TANC2: variants seen among roughly 807,000 people sequenced by gnomAD.
TANC2 encodes protein TANC2.
Under a neutral mutation model 210.5 loss-of-function variants are expected in TANC2, and 26 were observed. The ratio of observed to expected loss-of-function variants is 0.12; its 90% CI spans 0.09 to 0.17. The LOEUF is 0.17. TANC2 is among the 10% of genes least tolerant of loss of function. TANC2 has a pLI of 1.00. For missense variants in TANC2, 2,129 were observed against 2,608.9 expected, an observed-to-expected ratio of 0.82 and a Z score of 4.01; for synonymous variants, 931 against 967.1, an observed-to-expected ratio of 0.96 and a Z score of 0.69.
At chr17:63,041,638 C>G (rs1026691538) in intron 2 of TANC2, among the ~76,000 whole-genome samples, 1 of 151,908 alleles carries the variant, frequency 6.6e-6, no homozygotes, top group South Asian at 2.1e-4. Context: ...TATATTCAAT[C>G]GAGTTAATGA....
chr17:63,050,676 A>C (rs1301521718), intron 2 of TANC2, among the ~76,000 whole-genome samples: 2 of 152,216 alleles, frequency 1.3e-5, no homozygotes, highest in East Asian at 3.8e-4. Context: ...TGAAGAGAAG[A>C]CTTCAAGAAA....
chr17:63,279,789 C>T (rs1036118430), intron 9 of TANC2, among the ~76,000 whole-genome samples: 11 of 152,010 alleles, frequency 7.2e-5, no homozygotes, highest in African/African-American at 2.4e-4. Flanking sequence ...TCCCCCCCAC[C>T]CATTTTTAAC....
intron 5 of TANC2, chr17:63,153,522 C>A (rs1027504723): frequency 6.6e-6 from 1 of 152,110 alleles, no homozygotes; most frequent in Admixed American, 6.5e-5. Flanking sequence ...GATTGGTGGG[C>A]CCCCAGAATT....
intron 7 of TANC2, among the ~76,000 whole-genome samples, chr17:63,220,165 C>T (rs185030431): frequency 2.6e-5 from 4 of 151,496 alleles, no homozygotes; most frequent in Non-Finnish European, 4.4e-5. Context: ...CATGGTGTCA[C>T]GTGCCTGTAA....
chr17:63,023,871 CA>C (rs1480332823), intron 2 of TANC2, among the ~76,000 whole-genome samples: 1 of 152,094 alleles, frequency 6.6e-6, no homozygotes, highest in Non-Finnish European at 1.5e-5. Context: ...GCATTTGAAA[CA>C]AATCTGAACT....
chr17:63,138,410 G>T (rs975621468), intron 4 of TANC2, among the ~76,000 whole-genome samples: 1 of 152,126 alleles, frequency 6.6e-6, no homozygotes, highest in Non-Finnish European at 1.5e-5. Flanking sequence ...TAAATACATA[G>T]GCTGAAATTG....
chr17:63,055,978 AAAAAAAAAAAAAAT>A (rs1475859118), intron 2 of TANC2, among the ~76,000 whole-genome samples: 24 of 27,826 alleles, frequency 8.6e-4, no homozygotes, highest in South Asian at 2.8e-3. Context: ...AAAAAAAAAA[AAAAAAAAAAAAAAT>A]ATATATATAT....
intron 4 of TANC2, among the ~76,000 whole-genome samples, chr17:63,129,256 G>A (rs935493646): frequency 4.6e-5 from 7 of 151,882 alleles, no homozygotes; most frequent in African/African-American, 1.7e-4. Flanking sequence ...CTCCTGCCTC[G>A]GCCTCCCAAA....
intron 3 of TANC2, among the ~76,000 whole-genome samples, chr17:63,079,713 C>T (rs2036701600): frequency 6.6e-6 from 1 of 152,116 alleles, no homozygotes; most frequent in South Asian, 2.1e-4. Flanking sequence ...TGTTTCTTCT[C>T]CAGTAGCAGC....
At chr17:62,991,163 T>C (rs1342929397) in intron 1 of TANC2, among the ~76,000 whole-genome samples, 1 of 152,158 alleles carries the variant, frequency 6.6e-6, no homozygotes, top group African/African-American at 2.4e-5. Flanking sequence ...GGAGAGTGAT[T>C]GAAATGACAG....
chr17:62,989,889 G>A (rs1318284792), intron 1 of TANC2, among the ~76,000 whole-genome samples: 1 of 148,742 alleles, frequency 6.7e-6, no homozygotes, highest in African/African-American at 2.5e-5. Flanking sequence ...TTCTGCCTCA[G>A]CCTCCTGAGT....
At chr17:63,202,452 A>G (rs537127407) in intron 7 of TANC2, among the ~76,000 whole-genome samples, 1 of 152,254 alleles carries the variant, frequency 6.6e-6, no homozygotes, top group South Asian at 2.1e-4. Context: ...AGAGGAAAGA[A>G]CATAGGTGGT....
chr17:63,323,247 G>A (rs188992310), intron 11 of TANC2, among the ~76,000 whole-genome samples: 1 of 152,020 alleles, frequency 6.6e-6, no homozygotes, highest in Non-Finnish European at 1.5e-5. Flanking sequence ...ACATATTCTT[G>A]GTGTCATTTC....
chr17:63,412,004 T>C lies in TANC2; in HGVS notation c.3772T>C (p.Phe1258Leu). Reference sequence around the variant, plus strand: ...TGCTTGATCCGTGTCCTAGGTCCAGTTCCTGGTAGATCATGGGGCCATGAT... The same window carrying C: ...TGCTTGATCCGTGTCCTAGGTCCAGCTCCTGGTAGATCATGGGGCCATGAT... Residue 1258 changes from phenylalanine to leucine, a missense_variant, in exon 23 of 28, where the codon TTC becomes CTC. Coordinates refer to ENST00000689528, the Ensembl canonical transcript of TANC2. This position sits in a 1 kb window ranked among gnomAD's most constrained non-coding sequence, Gnocchi z 4.2. 2 of 1,613,852 alleles carry C rather than the reference T, an allele frequency of 1.2e-6. No individual in the cohort carries two copies. Among genetic ancestry groups the C allele is most frequent in the African/African-American group, 1.3e-5 (1 of 75,000 alleles).
chr17:63,100,939 T>C (rs896811443), intron 4 of TANC2, among the ~76,000 whole-genome samples: 2 of 152,218 alleles, frequency 1.3e-5, no homozygotes, highest in Non-Finnish European at 2.9e-5. Flanking sequence ...TTGAAGCTTC[T>C]GTAATTTCTC....
intron 4 of TANC2, among the ~76,000 whole-genome samples, chr17:63,103,497 C>T (rs925431435): frequency 6.6e-6 from 1 of 152,156 alleles, no homozygotes; most frequent in African/African-American, 2.4e-5. Flanking sequence ...TGTGGTCCGA[C>T]TGTTTGGGTT....
At chr17:63,006,723 A>G (rs1210506072) in intron 1 of TANC2, among the ~76,000 whole-genome samples, 1 of 152,108 alleles carries the variant, frequency 6.6e-6, no homozygotes, top group African/African-American at 2.4e-5. Context: ...TTGGAAGAGA[A>G]ATTTGCTTAT....
intron 7 of TANC2, among the ~76,000 whole-genome samples, chr17:63,210,239 G>GACTC (rs2041843267): frequency 6.6e-6 from 1 of 152,202 alleles, no homozygotes; most frequent in South Asian, 2.1e-4. Context: ...CTGCTGGGAT[G>GACTC]ACTCTCTCTG....
In TANC2 at chr17:63,003,175, A is replaced by G. The variant is rs892577514; in HGVS notation, c.-23-6362A>G. The stretch of plus-strand genomic sequence containing the variant: ...AGCTCTTCTGGTGGGAGTATAGTGG[A>G]TAGCTAATTATAATTTGTATTTCTG... On this transcript the variant is annotated intron_variant, in intron 1 of 27. Coordinates refer to ENST00000689528, the Ensembl canonical transcript of TANC2. Among the ~76,000 whole-genome samples, 6 of 152,262 alleles carry G rather than the reference A, an allele frequency of 3.9e-5. No homozygotes were observed. In the East Asian group the frequency reaches 7.7e-4, roughly 20 times the overall value.
Sources: allele counts gnomAD v4.1 joint callset (sites outside exome capture counted in the v4.1 genomes callset), GRCh38; gene constraint gnomAD v4.1.1; non-coding constraint Gnocchi (gnomAD v3.1); transcripts MANE v1.5; gene names NCBI Gene and HGNC (gene_info 2026-07-23, HGNC 2026-07-21).